PCDHA6: variants seen among roughly 807,000 people sequenced by gnomAD.
PCDHA6 encodes protocadherin alpha-6.
A neutral mutation model predicts 60.3 loss-of-function variants in PCDHA6; 55 were observed. That is an observed-to-expected ratio of 0.91 (90% CI 0.73 to 1.14). PCDHA6 has a LOEUF of 1.14. Among genes scored for constraint, PCDHA6 ranks in the 50% most tolerant of loss-of-function variants. The pLI, the probability that PCDHA6 is intolerant of heterozygous loss-of-function variation, is 0.00. For missense variants in PCDHA6, 1,327 were observed against 1,256.5 expected (o/e 1.06, Z -0.85); for synonymous variants, 652 against 557.9 (o/e 1.17, Z -2.38).
intron 1 of PCDHA6, among the ~76,000 whole-genome samples, chr5:140,900,125 G>A (rs2067765908): frequency 6.6e-6 from 1 of 152,056 alleles, no homozygotes; most frequent in South Asian, 2.1e-4. Context: ...TTGATTTTTA[G>A]GTACCACAAA....
chr5:140,871,158 C>G (rs2052764728), intron 1 of PCDHA6: 20 of 1,613,444 alleles, frequency 1.2e-5, no homozygotes, highest in Non-Finnish European at 1.6e-5. Flanking sequence ...TGGCGGGCGC[C>G]GCGAGCCCAG....
chr5:140,872,160 C>A (rs782612001), intron 1 of PCDHA6, among the ~76,000 whole-genome samples: 10 of 151,070 alleles, frequency 6.6e-5, no homozygotes, highest in African/African-American at 9.8e-5. Context: ...ACATGATTTA[C>A]TTTTCTTTTT....
Position 141,009,792 on chromosome 5 carries a change from C to G in PCDHA6, c.2708C>G (p.Pro903Arg), listed in dbSNP as rs1359138927. ...SPAIISIRQEPTNSQIDKSDF... is the reference protein window; with the variant it reads ...SPAIISIRQERTNSQIDKSDF... ...GCAATCATCTCCATCCGGCAGGAGC[C>G]TACTAACAGCCAAATTGACAAAAGT... The change falls in exon 4 of 4, where the codon CCT (proline) becomes CGT (arginine). Residue 903 changes from proline (P) to arginine (R), a missense_variant. Physicochemically the swap from Pro to Arg is moderately radical, Grantham distance 103. Coordinates refer to ENST00000529310, the MANE Select transcript of PCDHA6 (RefSeq NM_018909.4). The G allele has an allele frequency of 4.3e-6, 7 of 1,613,950 alleles. 1 individual carries two copies. Among genetic ancestry groups the G allele is most frequent in the Middle Eastern group, 3.3e-4 (2 of 6,084 alleles).
intron 1 of PCDHA6, among the ~76,000 whole-genome samples, chr5:140,901,030 C>G (rs1382384435): frequency 6.6e-6 from 1 of 152,116 alleles, no homozygotes; most frequent in Admixed American, 6.5e-5. Context: ...CTATTCAACT[C>G]TTTTGCCCAT....
intron 2 of PCDHA6, 35 bp downstream of exon 2, chr5:140,979,042 C>T (rs782163702): frequency 6.2e-7 from 1 of 1,612,562 alleles, no homozygotes; most frequent in African/African-American, 1.3e-5. Context: ...TCAGAAGTAA[C>T]CTTAACTTGG....
At chr5:140,888,649 A>G (rs1554183557) in intron 1 of PCDHA6, among the ~76,000 whole-genome samples, 1 of 152,210 alleles carries the variant, frequency 6.6e-6, no homozygotes, top group African/African-American at 2.4e-5. Flanking sequence ...TACTTTCCTG[A>G]GGACACCACC....
intron 1 of PCDHA6, chr5:140,927,671 C>T (rs2084485955): frequency 6.2e-7 from 1 of 1,614,198 alleles, no homozygotes; most frequent in Non-Finnish European, 8.5e-7. Context: ...GCCTTGGATC[C>T]AGATGAAGGG....
At chr5:141,005,490 TC>T (rs1451220963) in intron 3 of PCDHA6, among the ~76,000 whole-genome samples, 1 of 151,242 alleles carries the variant, frequency 6.6e-6, no homozygotes. Flanking sequence ...GATCATGAGG[TC>T]AGGAGATCGA....
chr5:140,852,133 A>G, intron 1 of PCDHA6: 1 of 888,968 alleles, frequency 1.1e-6, no homozygotes, highest in Non-Finnish European at 1.4e-6. Context: ...AAAACTCAGT[A>G]GAGAAAGATC....
intron 1 of PCDHA6, among the ~76,000 whole-genome samples, chr5:140,906,586 C>G (rs1199094981): frequency 6.6e-6 from 1 of 152,218 alleles, no homozygotes; most frequent in African/African-American, 2.4e-5. Context: ...TGATGACTAC[C>G]TTCCTCTACT....
At chr5:140,870,392 G>T in intron 1 of PCDHA6, 1 of 1,614,254 alleles carries the variant, frequency 6.2e-7, no homozygotes, top group Non-Finnish European at 8.5e-7. Context: ...CGGGATGGGG[G>T]TTCGCCTTCT....
chr5:140,983,218 C>T (rs757778991), intron 3 of PCDHA6, among the ~76,000 whole-genome samples: 10 of 152,128 alleles, frequency 6.6e-5, no homozygotes, highest in Non-Finnish European at 1.5e-4. Flanking sequence ...ATTTCCTAAT[C>T]CAAACTTTCA....
chr5:140,857,831 G>A (rs1554150713), intron 1 of PCDHA6: 1 of 1,597,806 alleles, frequency 6.3e-7, no homozygotes, highest in Non-Finnish European at 8.6e-7. Flanking sequence ...TAAGGTGCGC[G>A]CAGTGGACGC....
chr5:140,864,688 C>G (rs1324668554), intron 1 of PCDHA6: 2 of 152,164 alleles, frequency 1.3e-5, no homozygotes, highest in Admixed American at 1.3e-4. Context: ...CTGCTGTCCT[C>G]CAGTTTAAGT....
intron 1 of PCDHA6, 102 bp downstream of exon 1, chr5:140,830,587 T>G (rs1554132940): frequency 1.3e-6 from 1 of 755,644 alleles, no homozygotes; most frequent in East Asian, 3.3e-5. Flanking sequence ...TTTAATTAAT[T>G]TTACAAAATT....
intron 1 of PCDHA6, among the ~76,000 whole-genome samples, chr5:140,892,628 T>C (rs1554185308): frequency 6.6e-6 from 1 of 152,166 alleles, no homozygotes; most frequent in African/African-American, 2.4e-5. Flanking sequence ...TGGTACATAA[T>C]AATTGTACAT....
intron 3 of PCDHA6, among the ~76,000 whole-genome samples, chr5:140,994,851 A>C (rs1178274121): frequency 1.3e-5 from 2 of 149,076 alleles, no homozygotes; most frequent in African/African-American, 5.2e-5. Flanking sequence ...AGATGAGTGC[A>C]TTTGATGGAT....
At chr5:140,903,500 G>C (rs553764100) in intron 1 of PCDHA6, among the ~76,000 whole-genome samples, 5 of 152,184 alleles carry the variant, frequency 3.3e-5, no homozygotes, top group Non-Finnish European at 7.3e-5. Flanking sequence ...AGGTACCATA[G>C]ATAATAGTTC....
rs188500854 is a variant in PCDHA6 at position 140,955,348 on chromosome 5, G to C, written c.2395-23601G>C. ...GTAGTTCCCATAATCCCCACATGTT[G>C]TGAGAGGGACCCAGTGGGAGGTAAT... On this transcript the variant is annotated intron_variant, in intron 1 of 3. Coordinates refer to ENST00000529310, the MANE Select transcript of PCDHA6 (RefSeq NM_018909.4). Among the ~76,000 whole-genome samples the C allele has an allele frequency of 1.6e-4, 24 of 152,204 alleles. No individual in the cohort carries two copies. The East Asian group carries it at 2.7e-3, about 17-fold the overall frequency.
Sources: gnomAD v4.1 joint callset for allele counts (sites outside exome capture counted in the v4.1 genomes callset) on GRCh38, gnomAD v4.1.1 for gene constraint, MANE v1.5 for transcripts, NCBI Gene and HGNC (gene_info 2026-07-23, HGNC 2026-07-21) for gene names.